ARHGAP44: variants seen among roughly 807,000 people sequenced by gnomAD.
ARHGAP44 encodes the protein rho GTPase-activating protein 44.
In ARHGAP44, 43 loss-of-function variants were observed where a neutral mutation model predicts 106.8. The observed-to-expected ratio is 0.40, with a 90% confidence interval of 0.32 to 0.52. ARHGAP44 has a LOEUF of 0.52. Ranked by LOEUF, ARHGAP44 falls within the 20% of genes least tolerant of loss-of-function variation. The probability of loss-of-function intolerance (pLI) is 0.48; values close to 1 mark genes in which losing one functional copy is unlikely to be tolerated. For missense variants in ARHGAP44, 866 were observed against 1,050.5 expected (o/e 0.82, Z 2.43); for synonymous variants, 439 against 410.3 (o/e 1.07, Z -0.85).
chr17:12,949,086 C>T lies in ARHGAP44; in HGVS notation c.862-54C>T. ...AGCAGGCAGTTGCGGGGTCTCTGCGCTTTGATGTTGTACCTTGGAGTTGCT... is the reference window on the plus strand; with the variant it reads ...AGCAGGCAGTTGCGGGGTCTCTGCGTTTTGATGTTGTACCTTGGAGTTGCT... On this transcript the variant is annotated intron_variant, in intron 10 of 20. Coordinates refer to ENST00000379672, the MANE Select transcript of ARHGAP44 (RefSeq NM_014859.6). This position sits in a 1 kb window ranked among gnomAD's most constrained non-coding sequence, Gnocchi z 4.1. The T allele has an allele frequency of 2.7e-6, 4 of 1,507,008 alleles. No individual in the cohort carries two copies. 93.4% of individuals were successfully genotyped at this position (1,507,008 alleles called of 1,614,324 possible). A position where few individuals can be genotyped will look rare whatever the true frequency, so the allele number is the denominator to read the frequency against.
intron 7 of ARHGAP44, among the ~76,000 whole-genome samples, chr17:12,936,071 C>T (rs1047382393): frequency 6.6e-6 from 1 of 152,098 alleles, no homozygotes; most frequent in Non-Finnish European, 1.5e-5. Flanking sequence ...AATTTTGCAG[C>T]AAAATTAAGT....
chr17:12,820,147 CCA>C (rs1229432894), intron 1 of ARHGAP44, among the ~76,000 whole-genome samples: 1 of 151,906 alleles, frequency 6.6e-6, no homozygotes, highest in Non-Finnish European at 1.5e-5. Context: ...CATTTATTCC[CCA>C]TTGTATTGCA....
At chr17:12,897,449 T>TC (rs1228152933) in intron 3 of ARHGAP44, among the ~76,000 whole-genome samples, 11 of 151,462 alleles carry the variant, frequency 7.3e-5, no homozygotes, top group Non-Finnish European at 1.3e-4. Flanking sequence ...TTTTTTTTTT[T>TC]CCAAGCCCTG....
chr17:12,947,749 G>A (rs573047770), intron 10 of ARHGAP44, among the ~76,000 whole-genome samples: 2 of 152,282 alleles, frequency 1.3e-5, no homozygotes, highest in East Asian at 3.9e-4. Flanking sequence ...GCATGGCAAG[G>A]GCATGGTTTT....
At position 12,841,591 on chromosome 17, in the gene ARHGAP44, C is replaced by CTCTG. The variant is rs1472638829; in HGVS notation, c.53+51703_53+51704insGTCT. Reference sequence around the variant, plus strand: ...AGTGAGACCCTGTCTCTCTGTCTCTCTCTCACACACACACACACACACACA... The same window carrying CTCTG: ...AGTGAGACCCTGTCTCTCTGTCTCTCTCTGTCTCACACACACACACACACACACA... On this transcript the variant is annotated intron_variant, in intron 1 of 20. Coordinates refer to ENST00000379672, the MANE Select transcript of ARHGAP44 (RefSeq NM_014859.6). Among the ~76,000 whole-genome samples, 122 of 131,946 alleles carry CTCTG rather than the reference C, an allele frequency of 9.2e-4. 1 individual carries two copies. The highest frequency in any genetic ancestry group is 5.3e-3 in the South Asian group (21 of 3,978). The allele number at this position is 131,946 out of a possible 152,430, so 86.6% of individuals were successfully genotyped here. A position where few individuals can be genotyped will look rare whatever the true frequency, so the allele number is the denominator to read the frequency against.
At chr17:12,869,759 A>G (rs2036350889) in intron 1 of ARHGAP44, among the ~76,000 whole-genome samples, 1 of 151,628 alleles carries the variant, frequency 6.6e-6, no homozygotes, top group African/African-American at 2.4e-5. Context: ...CTTATACCTT[A>G]ATGTATTTTT....
chr17:12,980,461 T>G (rs995312995), intron 19 of ARHGAP44, among the ~76,000 whole-genome samples: 1 of 152,232 alleles, frequency 6.6e-6, no homozygotes, highest in Non-Finnish European at 1.5e-5. Context: ...AGGCCAGTGC[T>G]TCCCATACAC....
In ARHGAP44 at chr17:12,789,830, G is replaced by A; in HGVS notation, c.-9G>A. On this transcript the variant is annotated 5_prime_UTR_variant, in exon 1 of 21. Coordinates refer to ENST00000379672, the MANE Select transcript of ARHGAP44 (RefSeq NM_014859.6). ...CCAGCTCCCGGGCTAGCGCGGCAGC[G>A]GGGCCACGATGAAGAAGCAGTTCAA... 1.3e-6 allele frequency: 2 copies of A among 1,505,492 alleles called. No individual in the cohort carries two copies. The highest frequency in any genetic ancestry group is 1.8e-6 in the Non-Finnish European group (2 of 1,129,168). 93.3% of individuals were successfully genotyped at this position (1,505,492 alleles called of 1,614,324 possible). A position where few individuals can be genotyped will look rare whatever the true frequency, so the allele number is the denominator to read the frequency against.
chr17:12,850,579 A>G (rs781684147), intron 1 of ARHGAP44, among the ~76,000 whole-genome samples: 72 of 150,106 alleles, frequency 4.8e-4, no homozygotes, highest in Non-Finnish European at 9.3e-4. Context: ...CATGGGGTGG[A>G]GTGGAGAGAG....
At chr17:12,933,193 T>A (rs1020145800) in intron 7 of ARHGAP44, among the ~76,000 whole-genome samples, 1 of 152,254 alleles carries the variant, frequency 6.6e-6, no homozygotes, top group Non-Finnish European at 1.5e-5. Context: ...TCGAATGGGT[T>A]ATTTCCCCTG....
intron 1 of ARHGAP44, among the ~76,000 whole-genome samples, chr17:12,824,476 C>A (rs2034862406): frequency 6.6e-6 from 1 of 152,048 alleles, no homozygotes; most frequent in Non-Finnish European, 1.5e-5. Flanking sequence ...TCACACTCCC[C>A]ATGTCATGAC....
At chr17:12,799,626 G>A (rs1476009021) in intron 1 of ARHGAP44, among the ~76,000 whole-genome samples, 2 of 152,016 alleles carry the variant, frequency 1.3e-5, no homozygotes, top group East Asian at 1.9e-4. Flanking sequence ...CTTTCTCTCC[G>A]CTTCCACTGC....
At chr17:12,983,512 T>C (rs890968478) in intron 19 of ARHGAP44, among the ~76,000 whole-genome samples, 6 of 151,972 alleles carry the variant, frequency 3.9e-5, no homozygotes, top group African/African-American at 1.4e-4. Context: ...CTTTGAAAAA[T>C]GCGGTTGATT....
intron 7 of ARHGAP44, among the ~76,000 whole-genome samples, chr17:12,939,552 G>A (rs2038647346): frequency 6.6e-6 from 1 of 151,924 alleles, no homozygotes; most frequent in Non-Finnish European, 1.5e-5. Flanking sequence ...CGCAAGCTCC[G>A]CTTCCTGGGT....
intron 14 of ARHGAP44, 126 bp from the exon 15 acceptor site, chr17:12,956,529 C>T: frequency 1.4e-6 from 1 of 720,684 alleles, no homozygotes; most frequent in Non-Finnish European, 2.4e-6. Context: ...AGTCTGCTCT[C>T]AAACCTCTGT....
intron 7 of ARHGAP44, among the ~76,000 whole-genome samples, chr17:12,937,333 C>T (rs1241533175): frequency 6.6e-6 from 1 of 152,150 alleles, no homozygotes; most frequent in Non-Finnish European, 1.5e-5. Context: ...GTGCTGAAAG[C>T]AGGAGAGGAT....
rs1191642818 is a variant in ARHGAP44 at position 12,944,101 on chromosome 17, C to T, written c.766C>T (p.Pro256Ser). ...GGTAGAGAAGCCTTCCTTCGGGAAG[C>T]CGCTGGAGGAGCACCTCACCATCAG... ...AWVEKPSFGK[P>S]LEEHLTISGR... The change falls in exon 10 of 21, where the codon CCG (proline) becomes TCG (serine). Residue 256 changes from proline (P) to serine (S), a missense_variant. Physicochemically the swap from Pro to Ser is moderately conservative, Grantham distance 74. Around this residue, in one of 2 missense-constraint regions of ARHGAP44, gnomAD observed 448 missense variants for 646.9 expected, o/e 0.69. Transcript: ENST00000379672. The T allele has an allele frequency of 1.9e-6, 3 of 1,612,436 alleles. No homozygotes were observed. The highest frequency in any genetic ancestry group is 2.5e-6 in the Non-Finnish European group (3 of 1,179,318).
chr17:12,949,163 T>G lies in ARHGAP44; in HGVS notation c.885T>G (p.Ser295=), dbSNP rs368214974. ...AGGGACTCTTCCGAGTAGCCCCCTCTGCCTCCAAACTGAAGAAGCTGAAAG... is the reference window on the plus strand; with the variant it reads ...AGGGACTCTTCCGAGTAGCCCCCTCGGCCTCCAAACTGAAGAAGCTGAAAG... The part of the protein sequence containing the change: ...QEEGLFRVAP[S]ASKLKKLKAA... The change falls in exon 11 of 21, where the codon TCT becomes TCG. Residue 295 remains serine, a synonymous_variant. Transcript: ENST00000379672. The surrounding 1 kb of genome is among the most constrained non-coding windows in gnomAD (Gnocchi z 4.1). 11 of 1,576,474 alleles carry G rather than the reference T, an allele frequency of 7.0e-6. No homozygotes were observed. In the African/African-American group the frequency reaches 1.4e-4, roughly 19 times the overall value.
At chr17:12,864,237 C>A (rs1272541938) in intron 1 of ARHGAP44, among the ~76,000 whole-genome samples, 1 of 152,120 alleles carries the variant, frequency 6.6e-6, no homozygotes, top group Non-Finnish European at 1.5e-5. Context: ...TCTAAAATGG[C>A]CAGAGATGCG....
Sources: allele counts gnomAD v4.1 joint callset (sites outside exome capture counted in the v4.1 genomes callset), GRCh38; gene constraint gnomAD v4.1.1; regional missense constraint gnomAD v4.1.1; non-coding constraint Gnocchi (gnomAD v3.1); transcripts MANE v1.5; gene names NCBI Gene and HGNC (gene_info 2026-07-23, HGNC 2026-07-21).